Variants in ANKS1A observed in about 807,000 individuals in gnomAD.
The protein encoded by ANKS1A is ankyrin repeat and sterile alpha motif domain containing 1A.
A neutral mutation model predicts 120.3 loss-of-function variants in ANKS1A; 55 were observed. The ratio of observed to expected loss-of-function variants is 0.46; its 90% CI spans 0.37 to 0.57. ANKS1A has a LOEUF of 0.57. ANKS1A is among the 20% of genes least tolerant of loss of function. The pLI, the probability that ANKS1A is intolerant of heterozygous loss-of-function variation, is 0.00. For missense variants in ANKS1A, 1,123 were observed against 1,480.3 expected (o/e 0.76, Z 3.96); for synonymous variants, 590 against 604.7 (o/e 0.98, Z 0.36).
intron 1 of ANKS1A, among the ~76,000 whole-genome samples, chr6:34,913,619 T>TTTG (rs549695039): frequency 0.019 from 2,836 of 151,202 alleles, 47 homozygotes; most frequent in African/African-American, 0.038. Context: ...AACAAAATAG[T>TTTG]TTGTTGTTGT....
rs1380534919 is a variant in ANKS1A, at chr6:35,057,701, C to T, written c.2078-2446C>T. On this transcript the variant is annotated intron_variant, in intron 12 of 23. Transcript: ENST00000360359. This position sits in a 1 kb window ranked among gnomAD's most constrained non-coding sequence, Gnocchi z 4.1. ...GTGGGGCACTTCCCCTGGGCTCTAA[C>T]AGGCCCCAAGAGAAGTCCGTCCCCA... Among the ~76,000 whole-genome samples, 1 of 152,246 alleles carries T rather than the reference C, an allele frequency of 6.6e-6. No individual in the cohort carries two copies. The highest frequency in any genetic ancestry group is 1.5e-5 in the Non-Finnish European group (1 of 68,048).
intron 1 of ANKS1A, among the ~76,000 whole-genome samples, chr6:34,941,215 T>C (rs1341076245): frequency 6.6e-6 from 1 of 152,124 alleles, no homozygotes; most frequent in African/African-American, 2.4e-5. Context: ...CTTGAACTCC[T>C]GACCTTGTGA....
At chr6:35,047,184 A>AGTAT (rs529955690) in intron 11 of ANKS1A, among the ~76,000 whole-genome samples, 11 of 152,280 alleles carry the variant, frequency 7.2e-5, no homozygotes, top group South Asian at 6.2e-4. Context: ...ATTTGTATTA[A>AGTAT]GTATGTATGT....
chr6:35,023,677 C>T, intron 11 of ANKS1A: 1 of 418,588 alleles, frequency 2.4e-6, no homozygotes, highest in South Asian at 2.0e-5. Flanking sequence ...GGATCAGGCT[C>T]TAAAGGAAAG....
intron 11 of ANKS1A, among the ~76,000 whole-genome samples, chr6:35,031,987 G>C (rs1181251412): frequency 6.6e-6 from 1 of 152,150 alleles, no homozygotes; most frequent in African/African-American, 2.4e-5. Flanking sequence ...TAGAGGCTTA[G>C]TCACTCATTC....
At chr6:35,030,414 G>A (rs945343770) in intron 11 of ANKS1A, among the ~76,000 whole-genome samples, 1 of 152,118 alleles carries the variant, frequency 6.6e-6, no homozygotes, top group African/African-American at 2.4e-5. Flanking sequence ...TGAAAAGTGA[G>A]GTGATGATTT....
In ANKS1A at chr6:35,085,395, C is replaced by T. The variant is rs996788394; in HGVS notation, c.3133-371C>T. 6.6e-6 allele frequency among the ~76,000 whole-genome samples: 1 copy of T among 152,164 alleles called. No homozygotes were observed. Among genetic ancestry groups the T allele is most frequent in the African/African-American group, 2.4e-5 (1 of 41,430 alleles). On this transcript the variant is annotated intron_variant, in intron 21 of 23. Transcript: ENST00000360359. This position sits in a 1 kb window ranked among gnomAD's most constrained non-coding sequence, Gnocchi z 4.7. ...GTTTATGGGGAAATGGAGTTAGGGG[C>T]ACAGCACTCACAGACTTTGTCGGTG...
chr6:34,921,003 C>T (rs1377287417), intron 1 of ANKS1A, among the ~76,000 whole-genome samples: 1 of 152,098 alleles, frequency 6.6e-6, no homozygotes, highest in Non-Finnish European at 1.5e-5. Flanking sequence ...TGTGCAGTTG[C>T]AATACTTGAA....
intron 9 of ANKS1A, among the ~76,000 whole-genome samples, 189 bp downstream of exon 9, chr6:34,989,505 G>A (rs926950461): frequency 1.3e-5 from 2 of 152,118 alleles, no homozygotes; most frequent in African/African-American, 4.8e-5. Flanking sequence ...TATAGCTCTC[G>A]CAGACAGGCC....
At chr6:34,926,494 G>A (rs1768724613) in intron 1 of ANKS1A, among the ~76,000 whole-genome samples, 1 of 152,154 alleles carries the variant, frequency 6.6e-6, no homozygotes, top group African/African-American at 2.4e-5. Flanking sequence ...TTGTCATGCA[G>A]CTAATTCGAA....
intron 13 of ANKS1A, among the ~76,000 whole-genome samples, chr6:35,063,959 G>GAAAGGCC (rs1776640525): frequency 6.6e-6 from 1 of 152,220 alleles, no homozygotes; most frequent in Non-Finnish European, 1.5e-5. Flanking sequence ...CGTAGAGATG[G>GAAAGGCC]TGGGACTTGG....
rs888106658 is a variant in ANKS1A, at chr6:35,086,054, A to G, written c.3303+118A>G. The G allele has an allele frequency of 1.9e-5, 26 of 1,378,826 alleles. No homozygotes were observed. The highest frequency in any genetic ancestry group is 2.3e-5 in the Non-Finnish European group (24 of 1,043,764). 85.4% of individuals were successfully genotyped at this position (1,378,826 alleles called of 1,614,324 possible). A position where few individuals can be genotyped will look rare whatever the true frequency, so the allele number is the denominator to read the frequency against. On this transcript the variant is annotated intron_variant, in intron 22 of 23. Transcript: ENST00000360359. This position sits in a 1 kb window ranked among gnomAD's most constrained non-coding sequence, Gnocchi z 5.1. ...TTCCAGAAAGCTGGCCCTCCAGGGA[A>G]ATGACCCTCTTAATTGTCCCCCAAC... is the stretch of plus-strand genomic sequence containing the variant.
chr6:34,965,057 TTATC>T, intron 1 of ANKS1A, among the ~76,000 whole-genome samples: 1 of 152,330 alleles, frequency 6.6e-6, no homozygotes, highest in East Asian at 1.9e-4. Context: ...GTGAATCTGT[TTATC>T]TGTCTATAGC....
At chr6:34,939,562 T>C (rs1449674001) in intron 1 of ANKS1A, among the ~76,000 whole-genome samples, 1 of 152,116 alleles carries the variant, frequency 6.6e-6, no homozygotes, top group Non-Finnish European at 1.5e-5. Flanking sequence ...TAAGAAGTAT[T>C]TGGGGCCAGG....
At chr6:34,959,618 A>G (rs940954877) in intron 1 of ANKS1A, among the ~76,000 whole-genome samples, 2 of 152,358 alleles carry the variant, frequency 1.3e-5, no homozygotes, top group South Asian at 2.1e-4. Flanking sequence ...AGCCAGTGCA[A>G]TCAGGAAAGA....
chr6:35,076,708 A>C (rs1468065855), intron 13 of ANKS1A, among the ~76,000 whole-genome samples: 1 of 152,088 alleles, frequency 6.6e-6, no homozygotes, highest in Non-Finnish European at 1.5e-5. Flanking sequence ...GGCTCACTGT[A>C]ACCTCTGCCT....
At chr6:35,024,990 G>GTTCTT (rs1774541759) in intron 11 of ANKS1A, among the ~76,000 whole-genome samples, 1 of 152,076 alleles carries the variant, frequency 6.6e-6, no homozygotes, top group Non-Finnish European at 1.5e-5. Flanking sequence ...CCCTGAACAA[G>GTTCTT]AATGTGACAC....
chr6:34,994,398 G>A lies in ANKS1A; in HGVS notation c.1399G>A (p.Val467Met). ...LLLTAETKKV[V>M]LVDGKTKDHR... ...GTTAACAGCAGAGACAAAGAAAGTG[G>A]TGTTGGTGGATGGAAAAACAAAAGG... Residue 467 changes from valine (V) to methionine (M), a missense_variant, in exon 10 of 24, where the codon GTG becomes ATG. Around this residue, in one of 3 missense-constraint regions of ANKS1A, gnomAD observed 904 missense variants for 1,130.4 expected, o/e 0.80. Coordinates refer to ENST00000360359, the MANE Select transcript of ANKS1A (RefSeq NM_015245.3). 2 of 1,613,056 alleles carry A rather than the reference G, an allele frequency of 1.2e-6. No homozygotes were observed. Among genetic ancestry groups the A allele is most frequent in the South Asian group, 1.1e-5 (1 of 91,074 alleles).
intron 1 of ANKS1A, among the ~76,000 whole-genome samples, chr6:34,923,851 T>C (rs1768564659): frequency 6.6e-6 from 1 of 152,202 alleles, no homozygotes; most frequent in Admixed American, 6.5e-5. Context: ...GGCTCATTGC[T>C]CAGGACCGCT....
Sources: gnomAD v4.1 joint callset for allele counts (sites outside exome capture counted in the v4.1 genomes callset) on GRCh38, gnomAD v4.1.1 for gene constraint, gnomAD v4.1.1 regional missense constraint, Gnocchi (gnomAD v3.1) non-coding constraint, MANE v1.5 for transcripts, NCBI Gene and HGNC (gene_info 2026-07-23, HGNC 2026-07-21) for gene names.